The following DIAPH1 variants were observed in gnomAD, a reference collection of about 807,000 sequenced individuals.
The protein encoded by DIAPH1 is protein diaphanous homolog 1.
Under a neutral mutation model 140.7 loss-of-function variants are expected in DIAPH1, and 46 were observed. The ratio of observed to expected loss-of-function variants is 0.33; its 90% CI spans 0.26 to 0.42. The LOEUF (loss-of-function observed/expected upper bound fraction) is 0.42. Among genes scored for constraint, DIAPH1 ranks in the 10% least tolerant of loss-of-function variants. The pLI is 1.00. For synonymous variants in DIAPH1, 565 were observed against 551.6 expected, an observed-to-expected ratio of 1.02 and a Z score of -0.34; for missense variants, 1,310 against 1,558.7, an observed-to-expected ratio of 0.84 and a Z score of 2.69.
intron 1 of DIAPH1, among the ~76,000 whole-genome samples, chr5:141,592,908 C>A (rs1393618533): frequency 6.6e-6 from 1 of 152,168 alleles, no homozygotes; most frequent in Non-Finnish European, 1.5e-5. Context: ...TGAACCAAAA[C>A]ATCTAATTTC....
intron 16 of DIAPH1, among the ~76,000 whole-genome samples, chr5:141,572,516 T>C (rs1300401488): frequency 6.6e-6 from 1 of 152,154 alleles, no homozygotes; most frequent in Non-Finnish European, 1.5e-5. Flanking sequence ...ATATGGCCTA[T>C]GTAGGCCAGG....
intron 27 of DIAPH1, among the ~76,000 whole-genome samples, chr5:141,521,255 G>T (rs1374691141): frequency 6.6e-6 from 1 of 152,180 alleles, no homozygotes; most frequent in Admixed American, 6.5e-5. Context: ...AGGAAAGGAA[G>T]AGTTGAATTT....
chr5:141,574,821 G>T, intron 15 of DIAPH1, 146 bp downstream of exon 15: 1 of 849,496 alleles, frequency 1.2e-6, no homozygotes. Flanking sequence ...CCAAAAACCA[G>T]TATATTATTT....
At chr5:141,589,532 T>C (rs2099898052) in intron 1 of DIAPH1, among the ~76,000 whole-genome samples, 1 of 152,162 alleles carries the variant, frequency 6.6e-6, no homozygotes, top group Admixed American at 6.5e-5. Context: ...TATTGAATTA[T>C]TATTTCATTT....
At chr5:141,605,709 C>T (rs1338827616) in intron 1 of DIAPH1, among the ~76,000 whole-genome samples, 1 of 152,212 alleles carries the variant, frequency 6.6e-6, no homozygotes, top group Admixed American at 6.5e-5. Flanking sequence ...TTTTAAGAGG[C>T]TGGGTCAGAT....
At chr5:141,539,461 A>G (rs534910585) in intron 18 of DIAPH1, among the ~76,000 whole-genome samples, 7 of 144,358 alleles carry the variant, frequency 4.8e-5, no homozygotes, top group South Asian at 2.2e-4. Flanking sequence ...TAGTAGAGAC[A>G]GGGTTTCACC....
At position 141,587,016 on chromosome 5, in the gene DIAPH1, C is replaced by G. The variant is rs1421697245; in HGVS notation, c.300+26G>C. 2.5e-6 allele frequency: 4 copies of G among 1,613,560 alleles called. No homozygotes were observed. The African/African-American group carries it at 5.3e-5, about 22-fold the overall frequency. ...ATGTCCATAAATGCACAGGAAGAAG[C>G]AACATTTTGGGAATGGGAAACTTAC... On this transcript the variant is annotated intron_variant, in intron 3 of 27. Transcript: ENST00000389054.
At chr5:141,532,541 C>T (rs1054732766) in intron 19 of DIAPH1, among the ~76,000 whole-genome samples, 1 of 152,168 alleles carries the variant, frequency 6.6e-6, no homozygotes, top group African/African-American at 2.4e-5. Context: ...ATTTGCCCCT[C>T]CAACACTGCC....
At position 141,605,345 on chromosome 5, in the gene DIAPH1, C is replaced by T. The variant is rs148374366; in HGVS notation, c.117+13453G>A. On this transcript the variant is annotated intron_variant, in intron 1 of 27. Coordinates refer to ENST00000389054, the MANE Select transcript of DIAPH1 (RefSeq NM_005219.5). ...GCATAGAGATAATGACTAAAATATACAAAGACTGTAAAATAAAAATGAAAA... is the reference window on the plus strand; with the variant it reads ...GCATAGAGATAATGACTAAAATATATAAAGACTGTAAAATAAAAATGAAAA... 7.6e-3 allele frequency among the ~76,000 whole-genome samples: 1,152 copies of T among 151,862 alleles called. 18 individuals carry two copies. The highest frequency in any genetic ancestry group is 0.026 in the African/African-American group (1,094 of 41,426).
chr5:141,589,711 A>G (rs1472017666), intron 1 of DIAPH1, among the ~76,000 whole-genome samples: 2 of 152,084 alleles, frequency 1.3e-5, no homozygotes, highest in African/African-American at 4.8e-5. Context: ...GATATTCTGT[A>G]TCTTGACATG....
At chr5:141,588,493 A>T (rs1014417440) in intron 1 of DIAPH1, among the ~76,000 whole-genome samples, 11 of 152,164 alleles carry the variant, frequency 7.2e-5, no homozygotes, top group South Asian at 2.1e-4. Flanking sequence ...AAAAAAAAGA[A>T]GATGATGCAG....
chr5:141,575,954 A>G (rs1309240150), intron 14 of DIAPH1, among the ~76,000 whole-genome samples: 1 of 152,192 alleles, frequency 6.6e-6, no homozygotes, highest in Non-Finnish European at 1.5e-5. Flanking sequence ...AGCAAACCTG[A>G]GAGTGCCATT....
rs528038041 is a variant in DIAPH1 at position 141,549,334 on chromosome 5, G to A, written c.2483-14901C>T. On this transcript the variant is annotated intron_variant, in intron 18 of 27. Transcript: ENST00000389054. ...ATTTCATAATAAAGGGTCAATCCTT[G>A]AGGAAAATATAATAATTCTAAATCT... is the stretch of plus-strand genomic sequence containing the variant. Among the ~76,000 whole-genome samples the A allele has an allele frequency of 2.0e-5, 3 of 152,190 alleles. No homozygotes were observed. In the South Asian group the frequency reaches 6.2e-4, roughly 32 times the overall value.
At chr5:141,522,573 G>C (rs1441234236) in intron 27 of DIAPH1, among the ~76,000 whole-genome samples, 1 of 143,322 alleles carries the variant, frequency 7.0e-6, no homozygotes, top group Non-Finnish European at 1.5e-5. Context: ...CTTAGCCGAC[G>C]GGGTCAAAAA....
At chr5:141,579,934 C>T (rs552183699) in intron 8 of DIAPH1, among the ~76,000 whole-genome samples, 2 of 145,828 alleles carry the variant, frequency 1.4e-5, no homozygotes, top group African/African-American at 2.6e-5. Flanking sequence ...GGGAACAGAG[C>T]GAGCCTCCGT....
intron 27 of DIAPH1, among the ~76,000 whole-genome samples, 188 bp from the exon 28 acceptor site, chr5:141,517,196 AAG>A (rs1156593536): frequency 1.3e-5 from 2 of 152,224 alleles, no homozygotes; most frequent in South Asian, 2.1e-4. Context: ...CAAAGAATGT[AAG>A]AGAGTGTGGT....
intron 26 of DIAPH1, among the ~76,000 whole-genome samples, chr5:141,525,011 C>A (rs574584594): frequency 6.6e-6 from 1 of 152,196 alleles, no homozygotes; most frequent in African/African-American, 2.4e-5. Flanking sequence ...CGTGTGCAGC[C>A]CTCATCCCAC....
intron 27 of DIAPH1, among the ~76,000 whole-genome samples, chr5:141,519,980 C>G (rs2099886263): frequency 6.6e-6 from 1 of 152,188 alleles, no homozygotes; most frequent in African/African-American, 2.4e-5. Context: ...TCTCTGAGGA[C>G]AGATTCCTAG....
intron 1 of DIAPH1, among the ~76,000 whole-genome samples, chr5:141,606,350 T>C (rs928473680): frequency 1.3e-5 from 2 of 152,216 alleles, no homozygotes; most frequent in African/African-American, 4.8e-5. Flanking sequence ...TTTAAATGTA[T>C]GTAACAATCC....
Sources: gnomAD v4.1 joint callset for allele counts (sites outside exome capture counted in the v4.1 genomes callset) on GRCh38, gnomAD v4.1.1 for gene constraint, MANE v1.5 for transcripts, NCBI Gene and HGNC (gene_info 2026-07-23, HGNC 2026-07-21) for gene names.